Variants in PAQR5 observed in about 807,000 individuals in gnomAD.
PAQR5 encodes progestin and adipoQ receptor family member 5, also known as membrane progestin receptor gamma.
Under a neutral mutation model 34.5 loss-of-function variants are expected in PAQR5, and 20 were observed. The ratio of observed to expected loss-of-function variants is 0.58; its 90% CI spans 0.41 to 0.84. The LOEUF is 0.84. Ranked by LOEUF, PAQR5 falls within the 40% of genes least tolerant of loss-of-function variation. The pLI, the probability that PAQR5 is intolerant of heterozygous loss-of-function variation, is 0.00. For missense variants in PAQR5, 378 were observed against 412.7 expected (o/e 0.92, Z 0.73); for synonymous variants, 131 against 155.6 (o/e 0.84, Z 1.18).
chr15:69,379,417 C>T, intron 3 of PAQR5: 2 of 985,364 alleles, frequency 2.0e-6, no homozygotes, highest in Non-Finnish European at 2.4e-6. Flanking sequence ...TTATGAAGCA[C>T]CTTGGTGAAT....
At chr15:69,302,924 A>G (rs1217037533) in intron 1 of PAQR5, among the ~76,000 whole-genome samples, 1 of 152,186 alleles carries the variant, frequency 6.6e-6, no homozygotes, top group Non-Finnish European at 1.5e-5. Context: ...CTTAGCAGCC[A>G]TGTCCCCCTG....
chr15:69,301,982 G>A (rs1566987616), intron 1 of PAQR5, among the ~76,000 whole-genome samples: 1 of 150,578 alleles, frequency 6.6e-6, no homozygotes. Flanking sequence ...GGGTGGTGGG[G>A]GTGGTAGGTT....
intron 3 of PAQR5, among the ~76,000 whole-genome samples, chr15:69,371,169 T>G (rs2055551402): frequency 6.6e-6 from 1 of 152,188 alleles, no homozygotes; most frequent in African/African-American, 2.4e-5. Context: ...TAAATTAATT[T>G]CATTTAGGAG....
chr15:69,318,213 C>T (rs1419219189), intron 1 of PAQR5, among the ~76,000 whole-genome samples: 4 of 152,196 alleles, frequency 2.6e-5, no homozygotes, highest in Non-Finnish European at 5.9e-5. Context: ...GCACTGGAGG[C>T]TGATGAAGTG....
At chr15:69,319,187 A>ATAAATATATACATATATATATT (rs1566995847) in intron 1 of PAQR5, among the ~76,000 whole-genome samples, 2 of 6,116 alleles carry the variant, frequency 3.3e-4, no homozygotes, top group Non-Finnish European at 2.2e-3. Flanking sequence ...ATATATATAT[A>ATAAATATATACATATATATATT]TATATATATA....
intron 1 of PAQR5, among the ~76,000 whole-genome samples, chr15:69,306,136 G>A (rs1439533506): frequency 6.6e-6 from 1 of 152,100 alleles, no homozygotes; most frequent in Non-Finnish European, 1.5e-5. Context: ...TACTGGGAAT[G>A]TACATGGAAT....
chr15:69,347,466 C>T (rs923344281), intron 2 of PAQR5, among the ~76,000 whole-genome samples: 22 of 152,082 alleles, frequency 1.4e-4, no homozygotes, highest in African/African-American at 5.3e-4. Flanking sequence ...AAACTTACAC[C>T]CCATATTTTC....
intron 1 of PAQR5, among the ~76,000 whole-genome samples, chr15:69,306,971 T>C (rs910141035): frequency 1.3e-5 from 2 of 152,228 alleles, no homozygotes; most frequent in African/African-American, 2.4e-5. Context: ...TAATTTCACT[T>C]AGCATAGTGT....
intron 8 of PAQR5, among the ~76,000 whole-genome samples, chr15:69,400,446 C>G (rs767764563): frequency 3.1e-4 from 47 of 152,312 alleles, no homozygotes; most frequent in Non-Finnish European, 2.4e-4. Flanking sequence ...GTAATCCCAG[C>G]ACGTTGGGAG....
intron 1 of PAQR5, among the ~76,000 whole-genome samples, chr15:69,321,868 G>A (rs1284810244): frequency 4.6e-5 from 7 of 152,162 alleles, no homozygotes; most frequent in African/African-American, 1.7e-4. Flanking sequence ...GCACAGCAAT[G>A]ACCAAGACAA....
At chr15:69,396,795 T>C (rs1326734241) in intron 6 of PAQR5, 1 of 267,280 alleles carries the variant, frequency 3.7e-6, no homozygotes, top group Non-Finnish European at 7.3e-6. Context: ...TCATGTTCTG[T>C]CTGGGGGGAC....
At chr15:69,357,981 G>A (rs941916942) in intron 2 of PAQR5, among the ~76,000 whole-genome samples, 25 of 152,256 alleles carry the variant, frequency 1.6e-4, no homozygotes, top group African/African-American at 5.3e-4. Context: ...CTGTAGGTAC[G>A]ATGTGGTTGG....
chr15:69,300,807 T>C lies in PAQR5; in HGVS notation c.-277+1751T>C, dbSNP rs201570927. Among the ~76,000 whole-genome samples, 161 of 23,418 alleles carry C rather than the reference T, an allele frequency of 6.9e-3. 39 individuals carry two copies. Among genetic ancestry groups the C allele is most frequent in the African/African-American group, 0.015 (134 of 8,678 alleles). 15.4% of individuals were successfully genotyped at this position (23,418 alleles called of 152,430 possible). On this transcript the variant is annotated intron_variant, in intron 1 of 8. Coordinates refer to ENST00000395407, the MANE Select transcript of PAQR5 (RefSeq NM_017705.4). ...CTCTCTTTCTTTCTTTCTTTCCTTC[T>C]TTCCTTCCTTCCTTCCTTCCTTCCT...
chr15:69,319,285 G>A (rs1379849305), intron 1 of PAQR5, among the ~76,000 whole-genome samples: 14 of 149,706 alleles, frequency 9.4e-5, no homozygotes, highest in African/African-American at 2.0e-4. Context: ...TTGGACCACC[G>A]TTGACTGCAG....
In PAQR5 at chr15:69,359,971, C is replaced by T. The variant is rs2055189704; in HGVS notation, c.-110C>T. 5 of 785,742 alleles carry T rather than the reference C, an allele frequency of 6.4e-6. No individual in the cohort carries two copies. The highest frequency in any genetic ancestry group is 4.6e-5 in the South Asian group (3 of 65,188). The allele number at this position is 785,742 out of a possible 1,614,324, so 48.7% of individuals were successfully genotyped here. A position where few individuals can be genotyped will look rare whatever the true frequency, so the allele number is the denominator to read the frequency against. ...TTCATGCTGTCCTCTTTCAGGGAAG[C>T]GGCACAGCACCAGCTAGGCAGAGAC... On this transcript the variant is annotated 5_prime_UTR_variant, in exon 3 of 9. Coordinates refer to ENST00000395407, the MANE Select transcript of PAQR5 (RefSeq NM_017705.4).
intron 3 of PAQR5, among the ~76,000 whole-genome samples, chr15:69,364,189 T>C (rs889522036): frequency 1.3e-5 from 2 of 151,938 alleles, no homozygotes; most frequent in African/African-American, 4.8e-5. Context: ...GGCATAGGTG[T>C]TTGGTAGGTG....
At chr15:69,327,523 C>T (rs2054282832) in intron 1 of PAQR5, among the ~76,000 whole-genome samples, 1 of 152,144 alleles carries the variant, frequency 6.6e-6, no homozygotes, top group Non-Finnish European at 1.5e-5. Flanking sequence ...ATTTAGAAGT[C>T]TCAGTCTCCC....
intron 6 of PAQR5, chr15:69,397,105 T>TCCCCCC: frequency 2.3e-6 from 1 of 441,298 alleles, no homozygotes; most frequent in Non-Finnish European, 4.6e-6. Flanking sequence ...ATCCCCCGAT[T>TCCCCCC]CCCCCTACCC....
chr15:69,361,297 A>G (rs954845183), intron 3 of PAQR5, among the ~76,000 whole-genome samples: 1 of 152,234 alleles, frequency 6.6e-6, no homozygotes, highest in South Asian at 2.1e-4. Flanking sequence ...CAAGGGATTC[A>G]GAGAATAATT....
Sources: gnomAD v4.1 joint callset for allele counts (sites outside exome capture counted in the v4.1 genomes callset) on GRCh38, gnomAD v4.1.1 for gene constraint, MANE v1.5 for transcripts, NCBI Gene and HGNC (gene_info 2026-07-23, HGNC 2026-07-21) for gene names.